NIPBL: variants seen among roughly 807,000 people sequenced by gnomAD.
NIPBL encodes nipped-B-like protein.
Under a neutral mutation model 321.8 loss-of-function variants are expected in NIPBL, and 19 were observed. That is an observed-to-expected ratio of 0.06 (90% CI 0.04 to 0.09). NIPBL has a LOEUF of 0.09. NIPBL is among the 10% of genes least tolerant of loss of function. NIPBL has a pLI of 1.00. For missense variants in NIPBL, 2,210 were observed against 3,327.0 expected, an observed-to-expected ratio of 0.66 and a Z score of 8.26; for synonymous variants, 1,106 against 1,114.1, an observed-to-expected ratio of 0.99 and a Z score of 0.14.
Position 37,006,378 on chromosome 5 carries a change from G to A in NIPBL, c.3877G>A (p.Glu1293Lys), listed in dbSNP as rs747050519. 17 of 1,596,274 alleles carry A rather than the reference G, an allele frequency of 1.1e-5. No homozygotes were observed. The highest frequency in any genetic ancestry group is 1.5e-5 in the Non-Finnish European group (17 of 1,163,962). The change falls in exon 17 of 47, where the codon GAA becomes AAA. Residue 1293 changes from glutamate (E) to lysine (K), a missense_variant. Physicochemically the swap from Glu to Lys is moderately conservative, Grantham distance 56. This residue lies in a region of NIPBL where 381 missense variants were observed against 642.3 expected (regional missense o/e 0.59). Transcript: ENST00000282516. Reference sequence around the variant, plus strand: ...ACAGAATAACGATACTGAAGAAGAAGAAAGGTTATGGAGAGACCTTATTAT... The same window carrying A: ...ACAGAATAACGATACTGAAGAAGAAAAAAGGTTATGGAGAGACCTTATTAT... ...LNHNNDTEEE[E>K]RLWRDLIMER...
At position 36,877,125 on chromosome 5, in the gene NIPBL, C is replaced by T. The variant is rs539146812; in HGVS notation, c.-133C>T. 1 of 337,228 alleles carries T rather than the reference C, an allele frequency of 3.0e-6. No homozygotes were observed. Among genetic ancestry groups the T allele is most frequent in the Non-Finnish European group, 5.3e-6 (1 of 188,554 alleles). The allele number at this position is 337,228 out of a possible 1,614,324, so 20.9% of individuals were successfully genotyped here. A position where few individuals can be genotyped will look rare whatever the true frequency, so the allele number is the denominator to read the frequency against. On this transcript the variant is annotated 5_prime_UTR_variant, in exon 1 of 47. Transcript: ENST00000282516. ...CCCCCCTCCCGGCCCGGATTATAGT[C>T]TCTCGCCACAGCGGCCTCGGCCTCC...
At chr5:37,060,742 A>C in intron 44 of NIPBL, 102 bp from the exon 45 acceptor site, 1 of 985,016 alleles carries the variant, frequency 1.0e-6, no homozygotes, top group South Asian at 1.6e-5. Context: ...TAGACATGAG[A>C]AACTAATTTC....
chr5:37,020,635 C>A lies in NIPBL; in HGVS notation c.5187C>A (p.Ser1729Arg), dbSNP rs1001392225. 6.2e-7 allele frequency: 1 copy of A among 1,613,972 alleles called. No individual in the cohort carries two copies. The highest frequency in any genetic ancestry group is 8.5e-7 in the Non-Finnish European group (1 of 1,180,020). The change falls in exon 26 of 47, where the codon AGC (serine) becomes AGA (arginine). Residue 1729 changes from serine (S) to arginine (R), a missense_variant. Physicochemically the swap from Ser to Arg is moderately radical, Grantham distance 110. Coordinates refer to ENST00000282516, the MANE Select transcript of NIPBL (RefSeq NM_133433.4). ...AAAACCGAAAAAAGTTTCTTAGAAG[C>A]ATTATCAAAACCACACCTTCTCAGT... ...RAENRKKFLR[S>R]IIKTTPSQFS...
In NIPBL at chr5:37,020,796, C is replaced by T. The variant is rs1160241531; in HGVS notation, c.5247C>T (p.Asp1749=). ...GCAGGATGAACTCTGATACTGTGGA[C>T]TATGATGATGCTTGCTTGATTGTTC... ...STLKMNSDTV[D]YDDACLIVRY... The change falls in exon 27 of 47, where the codon GAC becomes GAT. Residue 1749 remains aspartate, a synonymous_variant. Coordinates refer to ENST00000282516, the MANE Select transcript of NIPBL (RefSeq NM_133433.4). The T allele has an allele frequency of 1.2e-6, 2 of 1,614,024 alleles. No homozygotes were observed. The highest frequency in any genetic ancestry group is 1.7e-6 in the Non-Finnish European group (2 of 1,179,920).
At chr5:36,947,620 T>C (rs1739832401) in intron 1 of NIPBL, among the ~76,000 whole-genome samples, 1 of 152,030 alleles carries the variant, frequency 6.6e-6, no homozygotes, top group African/African-American at 2.4e-5. Context: ...ATGCTTAACA[T>C]AGGTAATTAT....
chr5:36,899,476 G>C (rs528031180), intron 1 of NIPBL, among the ~76,000 whole-genome samples: 1 of 152,270 alleles, frequency 6.6e-6, no homozygotes, highest in South Asian at 2.1e-4. Flanking sequence ...ATTCAGTGCA[G>C]ACTGTTGTAA....
chr5:36,925,886 A>C (rs180679461), intron 1 of NIPBL, among the ~76,000 whole-genome samples: 1 of 152,224 alleles, frequency 6.6e-6, no homozygotes, highest in South Asian at 2.1e-4. Flanking sequence ...ATAATATTCT[A>C]TACCCTGTCT....
At chr5:36,978,667 C>T (rs565053979) in intron 9 of NIPBL, among the ~76,000 whole-genome samples, 69 of 152,036 alleles carry the variant, frequency 4.5e-4, no homozygotes, top group Non-Finnish European at 9.0e-4. Flanking sequence ...TTAATTAGGA[C>T]AATGTCCCAA....
At chr5:37,013,605 C>T (rs559575617) in intron 21 of NIPBL, among the ~76,000 whole-genome samples, 53 of 148,838 alleles carry the variant, frequency 3.6e-4, no homozygotes, top group African/African-American at 1.2e-3. Flanking sequence ...ACATCTCAGA[C>T]GATGGGTGGC....
At chr5:36,990,438 G>A (rs1745369686) in intron 10 of NIPBL, among the ~76,000 whole-genome samples, 1 of 151,204 alleles carries the variant, frequency 6.6e-6, no homozygotes, top group Non-Finnish European at 1.5e-5. Flanking sequence ...TCCTAAATGA[G>A]GAATTTTCGG....
intron 4 of NIPBL, among the ~76,000 whole-genome samples, chr5:36,961,217 A>T (rs1408728508): frequency 6.6e-6 from 1 of 152,192 alleles, no homozygotes; most frequent in Non-Finnish European, 1.5e-5. Flanking sequence ...CTAAGGCTAA[A>T]TAATAGAATA....
intron 4 of NIPBL, among the ~76,000 whole-genome samples, chr5:36,959,217 G>T (rs1254084142): frequency 6.6e-6 from 1 of 152,024 alleles, no homozygotes; most frequent in Non-Finnish European, 1.5e-5. Context: ...CAAACAAAAA[G>T]AAAAAATAAA....
At position 37,066,097 on chromosome 5, in the gene NIPBL, C is replaced by T. The variant is rs970891173; in HGVS notation, c.*1205C>T. On this transcript the variant is annotated 3_prime_UTR_variant, in exon 47 of 47. Coordinates refer to ENST00000282516, the MANE Select transcript of NIPBL (RefSeq NM_133433.4). ...TATGCTAAAAGCTTTTATCATAAGT[C>T]TTGGGAACAGTTGTCATTTACACAT... The T allele has an allele frequency of 1.3e-5, 2 of 152,018 alleles. No homozygotes were observed. Among genetic ancestry groups the T allele is most frequent in the Non-Finnish European group, 2.9e-5 (2 of 67,966 alleles). The allele number at this position is 152,018 out of a possible 1,614,324, so 9.4% of individuals were successfully genotyped here. A position where few individuals can be genotyped will look rare whatever the true frequency, so the allele number is the denominator to read the frequency against.
intron 1 of NIPBL, among the ~76,000 whole-genome samples, chr5:36,914,780 T>C (rs1164227039): frequency 6.6e-6 from 1 of 152,198 alleles, no homozygotes; most frequent in Admixed American, 6.5e-5. Flanking sequence ...CATTTTTATT[T>C]ATTACTTTCA....
chr5:36,952,047 T>C (rs144403005), intron 1 of NIPBL, among the ~76,000 whole-genome samples: 8 of 115,984 alleles, frequency 6.9e-5, no homozygotes, highest in South Asian at 2.9e-4. Flanking sequence ...TGTGTGTGTG[T>C]GTGTGTGCGC....
At chr5:37,049,369 A>G (rs1753289262) in intron 40 of NIPBL, 68 bp downstream of exon 40, 3 of 1,495,002 alleles carry the variant, frequency 2.0e-6, no homozygotes, top group Non-Finnish European at 2.8e-6. Context: ...ATACATTGTG[A>G]TTATAGAGAA....
At chr5:36,984,148 C>T (rs1744462909) in intron 9 of NIPBL, among the ~76,000 whole-genome samples, 1 of 151,758 alleles carries the variant, frequency 6.6e-6, no homozygotes, top group South Asian at 2.1e-4. Flanking sequence ...CATTTTTTCC[C>T]AATGGCATGG....
chr5:36,987,930 G>T lies in NIPBL; in HGVS notation c.3121+1629G>T, dbSNP rs889769666. ...TTTTCTTTAAAATTTTTTAGTGAAA[G>T]TTTGGGAGTAGCTTATATTTATAAA... On this transcript the variant is annotated intron_variant, in intron 10 of 46. Coordinates refer to ENST00000282516, the MANE Select transcript of NIPBL (RefSeq NM_133433.4). 2.0e-5 allele frequency among the ~76,000 whole-genome samples: 3 copies of T among 152,082 alleles called. No homozygotes were observed. The East Asian group carries it at 5.8e-4, about 29-fold the overall frequency.
chr5:36,984,981 A>G lies in NIPBL; in HGVS notation c.1801A>G (p.Lys601Glu). The G allele has an allele frequency of 6.2e-7, 1 of 1,612,728 alleles. No individual in the cohort carries two copies. The highest frequency in any genetic ancestry group is 8.5e-7 in the Non-Finnish European group (1 of 1,179,052). ...STPENHPETP[K>E]KKSDPELSKS... is the part of the protein sequence containing the mutation. ...ACCAGAAAACCATCCTGAGACACCT[A>G]AAAAAAAGTCTGATCCTGAGCTTTC... is the stretch of plus-strand genomic sequence containing the variant. Residue 601 changes from lysine to glutamate, a missense_variant, in exon 10 of 47, where the codon AAA (lysine) becomes GAA (glutamate). By Grantham distance (56) the Lys-to-Glu change is moderately conservative. Coordinates refer to ENST00000282516, the MANE Select transcript of NIPBL (RefSeq NM_133433.4).
Sources: allele counts gnomAD v4.1 joint callset (sites outside exome capture counted in the v4.1 genomes callset), GRCh38; gene constraint gnomAD v4.1.1; regional missense constraint gnomAD v4.1.1; transcripts MANE v1.5; gene names NCBI Gene and HGNC (gene_info 2026-07-23, HGNC 2026-07-21).